The following PRKN variants were observed in gnomAD, a reference collection of about 807,000 sequenced individuals.
The protein encoded by PRKN is E3 ubiquitin-protein ligase parkin.
Under a neutral mutation model 59.5 loss-of-function variants are expected in PRKN, and 56 were observed. The ratio of observed to expected loss-of-function variants is 0.94; its 90% CI spans 0.76 to 1.18. The LOEUF is 1.18. Ranked by LOEUF, PRKN falls within the 50% of genes most tolerant of loss-of-function variation. PRKN has a pLI of 0.00. For synonymous variants in PRKN, 250 were observed against 222.1 expected, an observed-to-expected ratio of 1.13 and a Z score of -1.12; for missense variants, 657 against 596.4, an observed-to-expected ratio of 1.10 and a Z score of -1.06.
At position 162,662,282 on chromosome 6, in the gene PRKN, T is replaced by A. The variant is rs1463350923; in HGVS notation, c.7+65380A>T. Among the ~76,000 whole-genome samples the A allele has an allele frequency of 4.0e-5, 6 of 151,540 alleles. No individual in the cohort carries two copies. In the East Asian group the frequency reaches 1.2e-3, roughly 29 times the overall value. ...ATGAGGTTACTTTTTTTTTTTTTTC[T>A]TGTTGAGTTGTTTGAGTTCCTTGTA... is the stretch of plus-strand genomic sequence containing the variant. On this transcript the variant is annotated intron_variant, in intron 1 of 11. Transcript: ENST00000366898.
rs150897439 is a variant in PRKN at position 161,975,329 on chromosome 6, G to C, written c.619-1912C>G. ...GATCTCCTGACCTCGTGATCTGCCT[G>C]CCTTGGCCTCCCAAAGTGCTGGGAT... On this transcript the variant is annotated intron_variant, in intron 5 of 11. Transcript: ENST00000366898. Among the ~76,000 whole-genome samples the C allele has an allele frequency of 4.8e-3, 726 of 152,146 alleles. 4 individuals are homozygous for C. Among genetic ancestry groups the C allele is most frequent in the Non-Finnish European group, 8.7e-3 (594 of 68,016 alleles).
intron 4 of PRKN, among the ~76,000 whole-genome samples, chr6:162,145,847 C>T (rs1782003770): frequency 6.6e-6 from 1 of 152,114 alleles, no homozygotes; most frequent in Non-Finnish European, 1.5e-5. Flanking sequence ...GAAAAGCAAC[C>T]AATCAGAGGC....
Position 161,554,812 on chromosome 6 carries a change from A to G in PRKN, c.934-5809T>C, listed in dbSNP as rs906980896. ...TTGAGTATCTGAAATCTCTTACTTCATGTTCTTCTGGTATAAAATATTATG... is the reference window on the plus strand; with the variant it reads ...TTGAGTATCTGAAATCTCTTACTTCGTGTTCTTCTGGTATAAAATATTATG... On this transcript the variant is annotated intron_variant, in intron 8 of 11. Coordinates refer to ENST00000366898, the MANE Select transcript of PRKN (RefSeq NM_004562.3). This position sits in a 1 kb window ranked among gnomAD's most constrained non-coding sequence, Gnocchi z 4.5. Among the ~76,000 whole-genome samples the G allele has an allele frequency of 1.3e-5, 2 of 150,656 alleles. No homozygotes were observed. Among genetic ancestry groups the G allele is most frequent in the African/African-American group, 2.4e-5 (1 of 40,948 alleles).
At chr6:161,382,643 A>C (rs1393196906) in intron 10 of PRKN, among the ~76,000 whole-genome samples, 2 of 152,130 alleles carry the variant, frequency 1.3e-5, no homozygotes, top group Admixed American at 6.6e-5. Flanking sequence ...AAAACAAGGA[A>C]AGCAAACGGG....
chr6:161,900,711 TAATA>T (rs1777874662), intron 6 of PRKN, among the ~76,000 whole-genome samples: 1 of 87,518 alleles, frequency 1.1e-5, no homozygotes, highest in Non-Finnish European at 2.3e-5. Flanking sequence ...ATATATCATA[TAATA>T]TATAATACAT....
Position 162,310,748 on chromosome 6 carries a change from A to AAT in PRKN, c.172-47985_172-47984dup, listed in dbSNP as rs1242424050. On this transcript the variant is annotated intron_variant, in intron 2 of 11. Transcript: ENST00000366898. ...ACCCTAGAACTTAAATTATAATAAA[A>AAT]ATATATATATATAAAAAAAAGCAGC... Among the ~76,000 whole-genome samples, 46 of 74,314 alleles carry AAT rather than the reference A, an allele frequency of 6.2e-4. 1 individual carries two copies. Among genetic ancestry groups the AAT allele is most frequent in the East Asian group, 1.4e-3 (3 of 2,092 alleles). 48.8% of individuals were successfully genotyped at this position (74,314 alleles called of 152,430 possible). A position where few individuals can be genotyped will look rare whatever the true frequency, so the allele number is the denominator to read the frequency against.
chr6:161,679,250 T>C (rs1033213493), intron 7 of PRKN, among the ~76,000 whole-genome samples: 1 of 152,228 alleles, frequency 6.6e-6, no homozygotes, highest in Non-Finnish European at 1.5e-5. Context: ...ATAGGACTAA[T>C]ACTGCAGAGA....
At chr6:161,517,334 T>C (rs1476476265) in intron 9 of PRKN, among the ~76,000 whole-genome samples, 2 of 152,146 alleles carry the variant, frequency 1.3e-5, no homozygotes, top group Non-Finnish European at 2.9e-5. Flanking sequence ...TGGCTACTTA[T>C]ATGGTGACAT....
At chr6:162,564,252 G>A (rs951071905) in intron 1 of PRKN, among the ~76,000 whole-genome samples, 1 of 151,954 alleles carries the variant, frequency 6.6e-6, no homozygotes, top group African/African-American at 2.4e-5. Flanking sequence ...GGCTAAGGCA[G>A]AAGAATCGCT....
At chr6:162,168,827 C>T (rs905504897) in intron 4 of PRKN, among the ~76,000 whole-genome samples, 12 of 152,050 alleles carry the variant, frequency 7.9e-5, no homozygotes, top group Admixed American at 7.9e-4. Context: ...ATTAAAAATG[C>T]ATGAACCATT....
In PRKN at chr6:161,456,835, C is replaced by T. The variant is rs745531360; in HGVS notation, c.1084-69958G>A. Among the ~76,000 whole-genome samples, 1 of 152,104 alleles carries T rather than the reference C, an allele frequency of 6.6e-6. No homozygotes were observed. Among genetic ancestry groups the T allele is most frequent in the Non-Finnish European group, 1.5e-5 (1 of 68,044 alleles). On this transcript the variant is annotated intron_variant, in intron 9 of 11. Transcript: ENST00000366898. This position sits in a 1 kb window ranked among gnomAD's most constrained non-coding sequence, Gnocchi z 4.8. ...ACATGCCCAGAGAGCTCAGGGCTTC[C>T]TCAGGAGAAGAGATGGTCTCATTGC...
intron 6 of PRKN, among the ~76,000 whole-genome samples, chr6:161,822,619 T>C (rs191990213): frequency 5.3e-5 from 8 of 152,230 alleles, no homozygotes; most frequent in Admixed American, 1.3e-4. Flanking sequence ...GAGGTTGCAG[T>C]GAGCCGAGGT....
intron 4 of PRKN, among the ~76,000 whole-genome samples, chr6:162,094,480 T>C (rs1341254046): frequency 3.9e-5 from 6 of 152,114 alleles, no homozygotes; most frequent in Non-Finnish European, 8.8e-5. Flanking sequence ...GAAGACCCTG[T>C]CTTAGGAAAT....
At chr6:162,683,971 T>C (rs976826587) in intron 1 of PRKN, among the ~76,000 whole-genome samples, 3 of 152,078 alleles carry the variant, frequency 2.0e-5, no homozygotes, top group East Asian at 1.9e-4. Flanking sequence ...TAGAATAGTA[T>C]GAAGAAATAA....
intron 7 of PRKN, among the ~76,000 whole-genome samples, chr6:161,577,153 G>GA: frequency 6.6e-6 from 1 of 152,110 alleles, no homozygotes; most frequent in Non-Finnish European, 1.5e-5. Flanking sequence ...TGCTTAGTAG[G>GA]AACAAAACAC....
intron 6 of PRKN, among the ~76,000 whole-genome samples, chr6:161,919,151 G>T (rs957032994): frequency 1.3e-5 from 2 of 152,088 alleles, no homozygotes. Context: ...TAAACAAAAG[G>T]TATCGTATCC....
In PRKN at chr6:161,518,701, T is replaced by A. The variant is rs1317577181; in HGVS notation, c.1083+30153A>T. 6.6e-6 allele frequency among the ~76,000 whole-genome samples: 1 copy of A among 152,194 alleles called. No individual in the cohort carries two copies. Among genetic ancestry groups the A allele is most frequent in the Non-Finnish European group, 1.5e-5 (1 of 68,026 alleles). ...TCCTGTCCAGGGGCCCATTGCAAGT[T>A]TCCACACATCCTCCTGCCTGCTGCA... On this transcript the variant is annotated intron_variant, in intron 9 of 11. Coordinates refer to ENST00000366898, the MANE Select transcript of PRKN (RefSeq NM_004562.3). This position sits in a 1 kb window ranked among gnomAD's most constrained non-coding sequence, Gnocchi z 5.0.
At chr6:162,482,932 A>G (rs1016264864) in intron 1 of PRKN, among the ~76,000 whole-genome samples, 1 of 107,700 alleles carries the variant, frequency 9.3e-6, no homozygotes, top group Non-Finnish European at 1.9e-5. Flanking sequence ...CACTGATTCC[A>G]TTGTTGGACA....
chr6:161,666,807 G>A (rs774984520), intron 7 of PRKN, among the ~76,000 whole-genome samples: 8 of 152,168 alleles, frequency 5.3e-5, no homozygotes, highest in African/African-American at 9.7e-5. Context: ...AGTGAGAGGC[G>A]TCAGAACACT....
Sources: allele counts gnomAD v4.1 joint callset (sites outside exome capture counted in the v4.1 genomes callset), GRCh38; gene constraint gnomAD v4.1.1; non-coding constraint Gnocchi (gnomAD v3.1); transcripts MANE v1.5; gene names NCBI Gene and HGNC (gene_info 2026-07-23, HGNC 2026-07-21).